KCNN3: variants seen among roughly 807,000 people sequenced by gnomAD.
The protein encoded by KCNN3 is potassium calcium-activated channel subfamily N member 3.
KCNN3 carries 16 observed loss-of-function variants against 62.9 expected under a neutral mutation model. The observed-to-expected ratio is 0.25, with a 90% confidence interval of 0.17 to 0.39. KCNN3 has a LOEUF of 0.39. KCNN3 is among the 10% of genes least tolerant of loss of function. KCNN3 has a pLI of 1.00. For missense variants in KCNN3, 599 were observed against 949.4 expected, an observed-to-expected ratio of 0.63 and a Z score of 4.85; for synonymous variants, 370 against 389.2, an observed-to-expected ratio of 0.95 and a Z score of 0.58.
chr1:154,801,773 G>A (rs1206561882), intron 2 of KCNN3, among the ~76,000 whole-genome samples: 2 of 152,164 alleles, frequency 1.3e-5, no homozygotes, highest in Non-Finnish European at 2.9e-5. Context: ...GGACCTGGAA[G>A]AGCTTGAAGA....
intron 1 of KCNN3, among the ~76,000 whole-genome samples, chr1:154,836,534 G>A (rs1368675034): frequency 6.6e-6 from 1 of 152,242 alleles, no homozygotes; most frequent in Admixed American, 6.5e-5. Context: ...CCTCCTGTGG[G>A]TTCTTGCTGA....
intron 1 of KCNN3, among the ~76,000 whole-genome samples, chr1:154,832,748 C>T (rs1166582912): frequency 2.0e-5 from 3 of 152,226 alleles, no homozygotes; most frequent in African/African-American, 7.2e-5. Context: ...CTACAGAAAG[C>T]TGTGGGCTCC....
intron 3 of KCNN3, among the ~76,000 whole-genome samples, chr1:154,740,438 T>A (rs754363387): frequency 2.0e-5 from 3 of 152,192 alleles, no homozygotes; most frequent in Non-Finnish European, 4.4e-5. Flanking sequence ...ATGAGCCACC[T>A]CACCCAGCCC....
chr1:154,760,860 A>G (rs1399235339), intron 3 of KCNN3, among the ~76,000 whole-genome samples: 3 of 152,218 alleles, frequency 2.0e-5, no homozygotes, highest in East Asian at 1.9e-4. Context: ...GCGCCCGCGA[A>G]GAAGCACTCC....
At chr1:154,852,484 G>A (rs1348190108) in intron 1 of KCNN3, among the ~76,000 whole-genome samples, 1 of 151,754 alleles carries the variant, frequency 6.6e-6, no homozygotes, top group Non-Finnish European at 1.5e-5. Context: ...AAAGTGCTGG[G>A]ATTACAGGTG....
chr1:154,738,630 C>T (rs914471547), intron 3 of KCNN3, among the ~76,000 whole-genome samples: 7 of 152,160 alleles, frequency 4.6e-5, no homozygotes, highest in East Asian at 1.9e-4. Context: ...ACAACCCGTC[C>T]GGGCTGGAGC....
In KCNN3 at chr1:154,772,315, T is replaced by A. The variant is rs1327116224; in HGVS notation, c.1108A>T (p.Met370Leu). The A allele has an allele frequency of 6.2e-7, 1 of 1,614,030 alleles. No homozygotes were observed. Among genetic ancestry groups the A allele is most frequent in the Non-Finnish European group, 8.5e-7 (1 of 1,180,018 alleles). The change falls in exon 3 of 8, where the codon ATG becomes TTG. Residue 370 changes from methionine (M) to leucine (L), a missense_variant. Physicochemically the swap from Met to Leu is conservative, Grantham distance 15. Coordinates refer to ENST00000271915, the MANE Select transcript of KCNN3 (RefSeq NM_002249.6). The surrounding 1 kb of genome is among the most constrained non-coding windows in gnomAD (Gnocchi z 5.6). ...ATGGGGTGGATGGCGCACACCAGCA[T>A]CTCCAGGCTGATGTACAGGATGCGC... is the stretch of plus-strand genomic sequence containing the variant. ...YERILYISLE[M>L]LVCAIHPIPG...
chr1:154,847,019 C>T (rs1047612624), intron 1 of KCNN3, among the ~76,000 whole-genome samples: 3 of 152,242 alleles, frequency 2.0e-5, no homozygotes, highest in East Asian at 3.9e-4. Flanking sequence ...GGAGTTGAGC[C>T]GGCTCCGCCT....
intron 2 of KCNN3, among the ~76,000 whole-genome samples, chr1:154,789,071 T>C (rs1479106492): frequency 6.6e-6 from 1 of 152,208 alleles, no homozygotes; most frequent in Non-Finnish European, 1.5e-5. Flanking sequence ...TCAGTTTCAC[T>C]AGACTAACGT....
intron 5 of KCNN3, among the ~76,000 whole-genome samples, chr1:154,725,326 T>A (rs956328317): frequency 7.2e-5 from 11 of 152,182 alleles, no homozygotes; most frequent in African/African-American, 2.7e-4. Context: ...TTATTTGGTA[T>A]CATCAGGCAA....
chr1:154,827,793 T>A (rs142447090), intron 1 of KCNN3, among the ~76,000 whole-genome samples: 502 of 151,904 alleles, frequency 3.3e-3, no homozygotes, highest in Middle Eastern at 6.8e-3. Flanking sequence ...AGCAAGACTC[T>A]GTCTCAATAA....
intron 2 of KCNN3, among the ~76,000 whole-genome samples, chr1:154,821,105 T>C (rs1650872999): frequency 6.6e-6 from 1 of 152,156 alleles, no homozygotes; most frequent in Non-Finnish European, 1.5e-5. Flanking sequence ...ATGTTCTAGA[T>C]GAGAAGATCG....
intron 3 of KCNN3, among the ~76,000 whole-genome samples, chr1:154,743,618 T>C (rs1453236127): frequency 6.6e-6 from 1 of 152,208 alleles, no homozygotes. Context: ...GTGGAAAGCG[T>C]ACTTCAAATT....
intron 3 of KCNN3, among the ~76,000 whole-genome samples, chr1:154,767,844 C>T (rs770899688): frequency 1.2e-4 from 19 of 152,298 alleles, no homozygotes; most frequent in South Asian, 2.1e-4. Flanking sequence ...GGCTGTTCTG[C>T]GTAATTATGA....
chr1:154,781,109 C>T (rs984398614), intron 2 of KCNN3, among the ~76,000 whole-genome samples: 7 of 152,218 alleles, frequency 4.6e-5, no homozygotes, highest in Admixed American at 2.0e-4. Flanking sequence ...TGGTCTCTTG[C>T]AGTGTGTAAT....
intron 5 of KCNN3, among the ~76,000 whole-genome samples, chr1:154,722,563 G>T (rs1700377566): frequency 6.7e-6 from 1 of 149,448 alleles, no homozygotes; most frequent in Non-Finnish European, 1.5e-5. Context: ...AATTTTTTTG[G>T]ATTTTTTTTT....
At position 154,712,719 on chromosome 1, in the gene KCNN3, G is replaced by C. The variant is rs368275042; in HGVS notation, c.1899+745C>G. The stretch of plus-strand genomic sequence containing the variant: ...GGCAATGAGGAGAGGGGGCTGAGGA[G>C]GGGGAGGCCCTTTCTTCAGTGGCAC... On this transcript the variant is annotated intron_variant, in intron 7 of 7. Coordinates refer to ENST00000271915, the MANE Select transcript of KCNN3 (RefSeq NM_002249.6). Among the ~76,000 whole-genome samples, 31 of 152,270 alleles carry C rather than the reference G, an allele frequency of 2.0e-4. No homozygotes were observed. The East Asian group carries it at 5.0e-3, about 25-fold the overall frequency.
At chr1:154,752,886 C>A (rs1647453338) in intron 3 of KCNN3, among the ~76,000 whole-genome samples, 1 of 152,186 alleles carries the variant, frequency 6.6e-6, no homozygotes, top group South Asian at 2.1e-4. Context: ...TTTCTCCTCC[C>A]TCGGCCTGTG....
intron 1 of KCNN3, among the ~76,000 whole-genome samples, chr1:154,855,969 G>A (rs540192295): frequency 5.3e-5 from 8 of 152,272 alleles, no homozygotes; most frequent in African/African-American, 1.9e-4. Context: ...TGAGTCAGAC[G>A]TGGTGCCTCC....
Sources: allele counts gnomAD v4.1 joint callset (sites outside exome capture counted in the v4.1 genomes callset), GRCh38; gene constraint gnomAD v4.1.1; non-coding constraint Gnocchi (gnomAD v3.1); transcripts MANE v1.5; gene names NCBI Gene and HGNC (gene_info 2026-07-23, HGNC 2026-07-21).